The following LRIT2 variants were observed in gnomAD, a reference collection of about 807,000 sequenced individuals.
LRIT2 encodes the protein leucine-rich repeat, immunoglobulin-like domain and transmembrane domain-containing protein 2.
LRIT2 carries 23 observed loss-of-function variants against 22.4 expected under a neutral mutation model. The observed-to-expected ratio is 1.03, with a 90% confidence interval of 0.74 to 1.45. LRIT2 has a LOEUF of 1.45. LRIT2 is among the 40% of genes most tolerant of loss of function. The pLI, the probability that LRIT2 is intolerant of heterozygous loss-of-function variation, is 0.00. For missense variants in LRIT2, 784 were observed against 665.6 expected, an observed-to-expected ratio of 1.18 and a Z score of -1.96; for synonymous variants, 291 against 267.1, an observed-to-expected ratio of 1.09 and a Z score of -0.87.
At position 84,224,796 on chromosome 10, in the gene LRIT2, A is replaced by G; in HGVS notation, c.429T>C (p.Pro143=). 1.2e-6 allele frequency: 2 copies of G among 1,614,104 alleles called. No homozygotes were observed. Among genetic ancestry groups the G allele is most frequent in the Non-Finnish European group, 8.5e-7 (1 of 1,180,022 alleles). The change falls in exon 2 of 3, where the codon CCT becomes CCC. Residue 143 remains proline, a synonymous_variant. Transcript: ENST00000372113. ...DLKRNKIDAL[P]ELALQFLVSL... ...TGACCAAGAATTGAAGAGCCAGCTC[A>G]GGGAGTGCATCAATCTTGTTGCGTT...
chr10:84,221,927 T>C lies in LRIT2; in HGVS notation c.1646A>G (p.Asn549Ser). The C allele has an allele frequency of 1.3e-6, 2 of 1,523,698 alleles. No individual in the cohort carries two copies. The highest frequency in any genetic ancestry group is 1.8e-6 in the Non-Finnish European group (2 of 1,134,484). The allele number at this position is 1,523,698 out of a possible 1,614,324, so 94.4% of individuals were successfully genotyped here. Residue 549 changes from asparagine (N) to serine (S), a missense_variant, in exon 3 of 3, where the codon AAC becomes AGC. By Grantham distance (46) the Asn-to-Ser change is conservative (BLOSUM62 1). Transcript: ENST00000372113. ...GDKEKGGTED[N>S]S ...CCCCATGGCCTGGGTTGTTCAGCTGTTGTCTTCCGTTCCTCCTTTCTCCTT... is the reference window on the plus strand; with the variant it reads ...CCCCATGGCCTGGGTTGTTCAGCTGCTGTCTTCCGTTCCTCCTTTCTCCTT...
chr10:84,221,972 T>C lies in LRIT2; in HGVS notation c.1601A>G (p.His534Arg). The C allele has an allele frequency of 6.4e-7, 1 of 1,569,564 alleles. No individual in the cohort carries two copies. The highest frequency in any genetic ancestry group is 8.6e-7 in the Non-Finnish European group (1 of 1,156,254). Residue 534 changes from histidine (H) to arginine (R), a missense_variant, in exon 3 of 3, where the codon CAC becomes CGC. His to Arg is a conservative substitution (Grantham distance 29, BLOSUM62 0). Transcript: ENST00000372113. ...CTCCTTGTCCCCCTCAGTGTCTATG[T>C]GCCCTTCACCGTCATCACAGACAGC... ...HPAVCDDGEG[H>R]IDTEGDKEKG...
rs771009302 is a variant in LRIT2 at position 84,222,158 on chromosome 10, A to G, written c.1415T>C (p.Val472Ala). 1.2e-6 allele frequency: 2 copies of G among 1,613,784 alleles called. No homozygotes were observed. Among genetic ancestry groups the G allele is most frequent in the Admixed American group, 3.3e-5 (2 of 60,028 alleles). Residue 472 changes from valine to alanine, a missense_variant, in exon 3 of 3, where the codon GTG (valine) becomes GCG (alanine). By Grantham distance (64) the Val-to-Ala change is moderately conservative (BLOSUM62 0). Coordinates refer to ENST00000372113, the MANE Select transcript of LRIT2 (RefSeq NM_001017924.5). Reference sequence around the variant, plus strand: ...GCCCACAGGCACTGCAAGCAGCACCACACACAGGACCACTGTGACATGCAG... The same window carrying G: ...GCCCACAGGCACTGCAAGCAGCACCGCACACAGGACCACTGTGACATGCAG... ...HLLHVTVVLCVVLLAVPVGAY... is the reference protein window; with the variant it reads ...HLLHVTVVLCAVLLAVPVGAY...
chr10:84,224,274 G>C, intron 2 of LRIT2, 59 bp downstream of exon 2: 2 of 1,523,468 alleles, frequency 1.3e-6, no homozygotes, highest in Non-Finnish European at 1.8e-6. Flanking sequence ...AATGAGGATG[G>C]GTTTGCTACA....
chr10:84,224,542 T>C lies in LRIT2; in HGVS notation c.683A>G (p.Tyr228Cys). The C allele has an allele frequency of 6.2e-7, 1 of 1,614,018 alleles. No individual in the cohort carries two copies. Among genetic ancestry groups the C allele is most frequent in the Non-Finnish European group, 8.5e-7 (1 of 1,179,972 alleles). The change falls in exon 2 of 3, where the codon TAC (tyrosine) becomes TGC (cysteine). Residue 228 changes from tyrosine to cysteine, a missense_variant. Physicochemically the swap from Tyr to Cys is radical, Grantham distance 194. Coordinates refer to ENST00000372113, the MANE Select transcript of LRIT2 (RefSeq NM_001017924.5). Reference sequence around the variant, plus strand: ...GGACAGAGGGCCCTGACATATCAGGTAGGAATTCACCAGGATGACTGGGAG... The same window carrying C: ...GGACAGAGGGCCCTGACATATCAGGCAGGAATTCACCAGGATGACTGGGAG... ...ITLPVILVNSYLICQGPLSKA... is the reference protein window; with the variant it reads ...ITLPVILVNSCLICQGPLSKA...
rs1589317493 is a variant in LRIT2 at position 84,224,580 on chromosome 10, G to T, written c.645C>A (p.Val215=). 1.2e-6 allele frequency: 2 copies of T among 1,613,702 alleles called. No homozygotes were observed. The highest frequency in any genetic ancestry group is 2.2e-5 in the South Asian group (2 of 91,048). ...DCRLRGLVQF[V]KSITLPVILV... is the part of the protein sequence containing the mutation. ...GGATGACTGGGAGGGTAATGGACTT[G>T]ACAAACTGGACAAGCCCCCTTAGGC... Residue 215 remains valine, a synonymous_variant, in exon 2 of 3, where the codon GTC becomes GTA. Transcript: ENST00000372113.
In LRIT2 at chr10:84,224,541, G is replaced by A. The variant is rs372112496; in HGVS notation, c.684C>T (p.Tyr228=). ...ITLPVILVNS[Y]LICQGPLSKA... ...TGGACAGAGGGCCCTGACATATCAG[G>A]TAGGAATTCACCAGGATGACTGGGA... Residue 228 remains tyrosine (Y), a synonymous_variant, in exon 2 of 3, where the codon TAC becomes TAT. Coordinates refer to ENST00000372113, the MANE Select transcript of LRIT2 (RefSeq NM_001017924.5). The A allele has an allele frequency of 1.2e-6, 2 of 1,614,152 alleles. No homozygotes were observed. The highest frequency in any genetic ancestry group is 1.7e-6 in the Non-Finnish European group (2 of 1,180,002).
chr10:84,222,621 G>A lies in LRIT2; in HGVS notation c.952C>T (p.His318Tyr). The A allele has an allele frequency of 6.2e-7, 1 of 1,614,126 alleles. No individual in the cohort carries two copies. Among genetic ancestry groups the A allele is most frequent in the South Asian group, 1.1e-5 (1 of 91,082 alleles). The change falls in exon 3 of 3, where the codon CAC (histidine) becomes TAC (tyrosine). Residue 318 changes from histidine (H) to tyrosine (Y), a missense_variant. Physicochemically the swap from His to Tyr is moderately conservative, Grantham distance 83. Coordinates refer to ENST00000372113, the MANE Select transcript of LRIT2 (RefSeq NM_001017924.5). ...GTGTAATTACCACTGTCTACCAGGTGGGCAGCAGGTATGGCCAGCTCTGAC... is the reference window on the plus strand; with the variant it reads ...GTGTAATTACCACTGTCTACCAGGTAGGCAGCAGGTATGGCCAGCTCTGAC... ...ALSELAIPAA[H>Y]LVDSGNYTCM...
At position 84,221,124 on chromosome 10, in the gene LRIT2, C is replaced by T. The variant is rs1842499359; in HGVS notation, c.*796G>A. On this transcript the variant is annotated 3_prime_UTR_variant, in exon 3 of 3. Coordinates refer to ENST00000372113, the MANE Select transcript of LRIT2 (RefSeq NM_001017924.5). ...AAGCAGCGGACGTATGGGTGCTCTT[C>T]CTTCTGGGTATGGCCCTGCAGAGTC... is the stretch of plus-strand genomic sequence containing the variant. 1 of 152,230 alleles carries T rather than the reference C, an allele frequency of 6.6e-6. No individual in the cohort carries two copies. Among genetic ancestry groups the T allele is most frequent in the African/African-American group, 2.4e-5 (1 of 41,454 alleles). 9.4% of individuals were successfully genotyped at this position (152,230 alleles called of 1,614,324 possible).
intron 2 of LRIT2, among the ~76,000 whole-genome samples, chr10:84,224,058 CATAAG>C (rs1270278973): frequency 6.6e-6 from 1 of 152,172 alleles, no homozygotes; most frequent in Non-Finnish European, 1.5e-5. Context: ...ATAATATTTG[CATAAG>C]ATATTAAATT....
rs1163393090 is a variant in LRIT2 at position 84,221,383 on chromosome 10, C to A, written c.*537G>T. On this transcript the variant is annotated 3_prime_UTR_variant, in exon 3 of 3. Transcript: ENST00000372113. ...AAGAGAGAGGGTCACACTTTATAAACAATGAAAGACACAAGAATACCGCAA... is the reference window on the plus strand; with the variant it reads ...AAGAGAGAGGGTCACACTTTATAAAAAATGAAAGACACAAGAATACCGCAA... 6.6e-6 allele frequency: 1 copy of A among 152,240 alleles called. No individual in the cohort carries two copies. Among genetic ancestry groups the A allele is most frequent in the Non-Finnish European group, 1.5e-5 (1 of 68,090 alleles). The allele number at this position is 152,240 out of a possible 1,614,324, so 9.4% of individuals were successfully genotyped here.
In LRIT2 at chr10:84,222,076, G is replaced by T; in HGVS notation, c.1497C>A (p.Gly499=). 2 of 1,610,328 alleles carry T rather than the reference G, an allele frequency of 1.2e-6. No homozygotes were observed. The highest frequency in any genetic ancestry group is 1.7e-6 in the Non-Finnish European group (2 of 1,177,958). Residue 499 remains glycine (G), a synonymous_variant, in exon 3 of 3, where the codon GGC becomes GGA. Coordinates refer to ENST00000372113, the MANE Select transcript of LRIT2 (RefSeq NM_001017924.5). Reference sequence around the variant, plus strand: ...TGGGGGCTTTCCTGCGATGAAGACAGCCGCGCAGGACCCACTTGCTGCAGC... The same window carrying T: ...TGGGGGCTTTCCTGCGATGAAGACATCCGCGCAGGACCCACTTGCTGCAGC... The part of the protein sequence containing the change: ...PCSCSKWVLR[G]CLHRRKAPSC...
In LRIT2 at chr10:84,221,841, TA is replaced by T; in HGVS notation, c.*78del. On this transcript the variant is annotated 3_prime_UTR_variant, in exon 3 of 3. Coordinates refer to ENST00000372113, the MANE Select transcript of LRIT2 (RefSeq NM_001017924.5). ...GGGTGCTCAATATATACTTGCTGGA[TA>T]AATGGATGGAGCTGCTGCAGAGGGT... 7.1e-7 allele frequency: 1 copy of T among 1,400,844 alleles called. No homozygotes were observed. Among genetic ancestry groups the T allele is most frequent in the Non-Finnish European group, 9.6e-7 (1 of 1,038,986 alleles). The allele number at this position is 1,400,844 out of a possible 1,614,324, so 86.8% of individuals were successfully genotyped here. A position where few individuals can be genotyped will look rare whatever the true frequency, so the allele number is the denominator to read the frequency against.
At chr10:84,223,204 G>A (rs1589316660) in intron 2 of LRIT2, among the ~76,000 whole-genome samples, 1 of 152,208 alleles carries the variant, frequency 6.6e-6, no homozygotes, top group South Asian at 2.1e-4. Context: ...TACTGGGCAA[G>A]TTGCTTAAAT....
rs1299162878 is a variant in LRIT2 at position 84,221,155 on chromosome 10, T to C, written c.*765A>G. On this transcript the variant is annotated 3_prime_UTR_variant, in exon 3 of 3. Transcript: ENST00000372113. The stretch of plus-strand genomic sequence containing the variant: ...GGGTATGGCCCTGCAGAGTCTGCTC[T>C]CTGCCAGACCCAGGGCTGCAGCCAA... 1 of 152,242 alleles carries C rather than the reference T, an allele frequency of 6.6e-6. No individual in the cohort carries two copies. Among genetic ancestry groups the C allele is most frequent in the Non-Finnish European group, 1.5e-5 (1 of 68,048 alleles). 9.4% of individuals were successfully genotyped at this position (152,242 alleles called of 1,614,324 possible). A position where few individuals can be genotyped will look rare whatever the true frequency, so the allele number is the denominator to read the frequency against.
rs1318855097 is a variant in LRIT2, at chr10:84,222,147, C to A, written c.1426G>T (p.Ala476Ser). ...CAGGCATAGGCGCCCACAGGCACTG[C>A]AAGCAGCACCACACACAGGACCACT... ...VTVVLCVVLL[A>S]VPVGAYAWAA... Residue 476 changes from alanine (A) to serine (S), a missense_variant, in exon 3 of 3, where the codon GCA becomes TCA. Transcript: ENST00000372113. 1 of 1,612,048 alleles carries A rather than the reference C, an allele frequency of 6.2e-7. No individual in the cohort carries two copies. The highest frequency in any genetic ancestry group is 8.5e-7 in the Non-Finnish European group (1 of 1,178,550).
rs559415067 is a variant in LRIT2, at chr10:84,222,234, C to G, written c.1339G>C (p.Ala447Pro). The stretch of plus-strand genomic sequence containing the variant: ...CCAGCATCTCTGCCTGTTACAAAAG[C>G]TACACACTGGCCCTGGTGTGGAGGC... ...GQPPHQGQCV[A>P]FVTGRDAGGL... Residue 447 changes from alanine to proline, a missense_variant, in exon 3 of 3, where the codon GCT becomes CCT. Coordinates refer to ENST00000372113, the MANE Select transcript of LRIT2 (RefSeq NM_001017924.5). The G allele has an allele frequency of 1.2e-6, 2 of 1,614,226 alleles. No individual in the cohort carries two copies. Among genetic ancestry groups the G allele is most frequent in the African/African-American group, 2.7e-5 (2 of 75,060 alleles).
rs940822205 is a variant in LRIT2 at position 84,222,923 on chromosome 10, C to T, written c.893-243G>A. On this transcript the variant is annotated intron_variant, in intron 2 of 2. Transcript: ENST00000372113. The stretch of plus-strand genomic sequence containing the variant: ...GGATTGGAGCAATCCATCAACTTGC[C>T]CGTAGTGAGAGTTGTTCAGAAGCAA... 1.7e-5 allele frequency: 12 copies of T among 699,150 alleles called. No homozygotes were observed. The African/African-American group carries it at 1.9e-4, about 11-fold the overall frequency. 43.3% of individuals were successfully genotyped at this position (699,150 alleles called of 1,614,324 possible).
rs1842543425 is a variant in LRIT2 at position 84,224,585 on chromosome 10, A to G, written c.640T>C (p.Phe214Leu). ...CDCRLRGLVQ[F>L]VKSITLPVIL... ...ACTGGGAGGGTAATGGACTTGACAA[A>G]CTGGACAAGCCCCCTTAGGCGACAG... Residue 214 changes from phenylalanine (F) to leucine (L), a missense_variant, in exon 2 of 3, where the codon TTT (phenylalanine) becomes CTT (leucine). Physicochemically the swap from Phe to Leu is conservative, Grantham distance 22 (BLOSUM62 0). Transcript: ENST00000372113. 1 of 1,613,566 alleles carries G rather than the reference A, an allele frequency of 6.2e-7. No individual in the cohort carries two copies. The highest frequency in any genetic ancestry group is 8.5e-7 in the Non-Finnish European group (1 of 1,179,644).
Sources: gnomAD v4.1 joint callset for allele counts (sites outside exome capture counted in the v4.1 genomes callset) on GRCh38, gnomAD v4.1.1 for gene constraint, MANE v1.5 for transcripts, NCBI Gene and HGNC (gene_info 2026-07-23, HGNC 2026-07-21) for gene names.